CNTNAP5: variants seen among roughly 807,000 people sequenced by gnomAD.
The protein encoded by CNTNAP5 is contactin associated protein family member 5, also known as contactin-associated protein-like 5.
A neutral mutation model predicts 150.2 loss-of-function variants in CNTNAP5; 72 were observed. The ratio of observed to expected loss-of-function variants is 0.48; its 90% CI spans 0.40 to 0.58. CNTNAP5 has a LOEUF of 0.58. Among genes scored for constraint, CNTNAP5 ranks in the 20% least tolerant of loss-of-function variants. The pLI, the probability that CNTNAP5 is intolerant of heterozygous loss-of-function variation, is 0.00. For missense variants in CNTNAP5, 1,636 were observed against 1,626.2 expected (o/e 1.01, Z -0.10); for synonymous variants, 672 against 619.8 (o/e 1.08, Z -1.25).
intron 10 of CNTNAP5, among the ~76,000 whole-genome samples, chr2:124,559,345 CT>C (rs1345024296): frequency 1.3e-5 from 2 of 152,018 alleles, no homozygotes; most frequent in Non-Finnish European, 2.9e-5. Flanking sequence ...GCACATTCTG[CT>C]TTTATACAGA....
intron 8 of CNTNAP5, among the ~76,000 whole-genome samples, chr2:124,519,647 A>G (rs1694809321): frequency 6.6e-6 from 1 of 152,248 alleles, no homozygotes; most frequent in African/African-American, 2.4e-5. Flanking sequence ...TGTAAGAATT[A>G]GGAATTACAT....
intron 3 of CNTNAP5, among the ~76,000 whole-genome samples, chr2:124,382,807 A>G (rs750874014): frequency 6.6e-6 from 1 of 152,310 alleles, no homozygotes; most frequent in South Asian, 2.1e-4. Context: ...ATCGATTTTT[A>G]GAATCCCTTC....
At chr2:124,768,307 G>GTGTGTA (rs761983407) in intron 16 of CNTNAP5, among the ~76,000 whole-genome samples, 14,939 of 144,584 alleles carry the variant, frequency 0.1, 1,208 homozygotes, top group Non-Finnish European at 0.15. Context: ...GTGTGTGTGT[G>GTGTGTA]TGTATATGTA....
intron 13 of CNTNAP5, among the ~76,000 whole-genome samples, chr2:124,689,575 A>T (rs1679259871): frequency 6.6e-6 from 1 of 151,986 alleles, no homozygotes; most frequent in Non-Finnish European, 1.5e-5. Flanking sequence ...GTGTGTGGAT[A>T]TGTGTGTTTA....
intron 13 of CNTNAP5, among the ~76,000 whole-genome samples, chr2:124,743,816 C>G (rs1181335857): frequency 6.6e-6 from 1 of 152,224 alleles, no homozygotes; most frequent in East Asian, 1.9e-4. Context: ...CCTATTGGAA[C>G]ATTTGCAACA....
At chr2:124,765,974 T>TA (rs34276676) in intron 16 of CNTNAP5, among the ~76,000 whole-genome samples, 5 of 151,636 alleles carry the variant, frequency 3.3e-5, no homozygotes, top group Admixed American at 6.6e-5. Flanking sequence ...AAAAATAGGT[T>TA]AAAAAAAATA....
chr2:124,443,837 TG>T (rs1262374833), intron 5 of CNTNAP5, among the ~76,000 whole-genome samples: 2 of 151,652 alleles, frequency 1.3e-5, no homozygotes, highest in African/African-American at 4.9e-5. Flanking sequence ...TGTGTGTGTG[TG>T]TGTGTGTGTG....
intron 1 of CNTNAP5, among the ~76,000 whole-genome samples, chr2:124,093,746 C>T (rs891460930): frequency 6.6e-6 from 1 of 152,158 alleles, no homozygotes; most frequent in African/African-American, 2.4e-5. Context: ...AGAAAATACT[C>T]ATGGAATAAG....
At chr2:124,796,626 A>G (rs1411223676) in intron 18 of CNTNAP5, among the ~76,000 whole-genome samples, 1 of 152,232 alleles carries the variant, frequency 6.6e-6, no homozygotes, top group Non-Finnish European at 1.5e-5. Context: ...TGGCACTATT[A>G]CAGACTGTTA....
At chr2:124,879,751 G>T (rs1290523886) in intron 21 of CNTNAP5, among the ~76,000 whole-genome samples, 1 of 152,118 alleles carries the variant, frequency 6.6e-6, no homozygotes, top group African/African-American at 2.4e-5. Context: ...GCTGCCTATT[G>T]ATTTTCTTTG....
At chr2:124,486,821 G>A (rs1316871133) in intron 7 of CNTNAP5, among the ~76,000 whole-genome samples, 1 of 152,066 alleles carries the variant, frequency 6.6e-6, no homozygotes, top group Non-Finnish European at 1.5e-5. Flanking sequence ...TTTTATTATA[G>A]GCCCATGTAA....
chr2:124,615,309 T>C (rs1677472773), intron 12 of CNTNAP5, among the ~76,000 whole-genome samples: 1 of 152,232 alleles, frequency 6.6e-6, no homozygotes, highest in East Asian at 1.9e-4. Context: ...AAGTCAATCA[T>C]TCCAAATTCT....
intron 1 of CNTNAP5, among the ~76,000 whole-genome samples, chr2:124,167,536 G>A (rs952057564): frequency 6.6e-6 from 1 of 152,024 alleles, no homozygotes; most frequent in Non-Finnish European, 1.5e-5. Flanking sequence ...AAAAAGCAAG[G>A]TAGCAGGTTT....
intron 11 of CNTNAP5, among the ~76,000 whole-genome samples, chr2:124,566,191 G>A (rs1696020998): frequency 6.6e-6 from 1 of 152,122 alleles, no homozygotes. Context: ...TAAGAAGTCA[G>A]AGACAACTGA....
At chr2:124,879,310 A>C (rs1677921730) in intron 21 of CNTNAP5, among the ~76,000 whole-genome samples, 1 of 152,132 alleles carries the variant, frequency 6.6e-6, no homozygotes, top group South Asian at 2.1e-4. Context: ...GAAGGAAAAC[A>C]CACACAGGCA....
At chr2:124,038,074 T>C (rs1056287041) in intron 1 of CNTNAP5, among the ~76,000 whole-genome samples, 19 of 152,132 alleles carry the variant, frequency 1.2e-4, no homozygotes, top group African/African-American at 4.6e-4. Context: ...TTTTACCCAA[T>C]AGGGATAGAC....
intron 21 of CNTNAP5, among the ~76,000 whole-genome samples, chr2:124,870,128 T>C (rs768715048): frequency 1.3e-5 from 2 of 152,012 alleles, no homozygotes; most frequent in African/African-American, 4.8e-5. Context: ...TTTAAAGGCA[T>C]TGTAATTTCC....
intron 3 of CNTNAP5, among the ~76,000 whole-genome samples, chr2:124,360,590 A>G (rs1449133435): frequency 1.5e-5 from 2 of 137,140 alleles, no homozygotes; most frequent in Admixed American, 7.5e-5. Flanking sequence ...CTGGATATGA[A>G]ATTCTGGGTT....
intron 1 of CNTNAP5, among the ~76,000 whole-genome samples, chr2:124,150,436 A>G (rs1442418310): frequency 6.6e-6 from 1 of 152,218 alleles, no homozygotes; most frequent in Non-Finnish European, 1.5e-5. Flanking sequence ...CAGATAATTT[A>G]GAGATATTGG....
Sources: allele counts gnomAD v4.1 joint callset (sites outside exome capture counted in the v4.1 genomes callset), GRCh38; gene constraint gnomAD v4.1.1; transcripts MANE v1.5; gene names NCBI Gene and HGNC (gene_info 2026-07-23, HGNC 2026-07-21).